The following GPD2 variants were observed in gnomAD, a reference collection of about 807,000 sequenced individuals.
GPD2 encodes the protein glycerol-3-phosphate dehydrogenase 2.
A neutral mutation model predicts 82.4 loss-of-function variants in GPD2; 54 were observed. That is an observed-to-expected ratio of 0.66 (90% CI 0.53 to 0.82). GPD2 has a LOEUF of 0.82. Among genes scored for constraint, GPD2 ranks in the 40% least tolerant of loss-of-function variants. The pLI is 0.00. For synonymous variants in GPD2, 288 were observed against 306.1 expected, an observed-to-expected ratio of 0.94 and a Z score of 0.62; for missense variants, 748 against 896.2, an observed-to-expected ratio of 0.83 and a Z score of 2.11.
At chr2:156,446,551 T>C (rs1223928051) in intron 1 of GPD2, among the ~76,000 whole-genome samples, 1 of 152,038 alleles carries the variant, frequency 6.6e-6, no homozygotes, top group Non-Finnish European at 1.5e-5. Context: ...GATAATGACT[T>C]AGCTGTCCCC....
At chr2:156,533,150 C>T (rs929390270) in intron 6 of GPD2, among the ~76,000 whole-genome samples, 1 of 152,206 alleles carries the variant, frequency 6.6e-6, no homozygotes, top group Admixed American at 6.5e-5. Context: ...TGACCACTCT[C>T]ATTGTTGTTT....
At chr2:156,546,920 C>CTGTT (rs35007922) in intron 6 of GPD2, among the ~76,000 whole-genome samples, 149,984 of 152,204 alleles carry the variant, frequency 0.99, 73,940 homozygotes, top group Middle Eastern at 1. Flanking sequence ...ATTTCAATAC[C>CTGTT]TGTTTAACAC....
intron 2 of GPD2, among the ~76,000 whole-genome samples, chr2:156,480,710 T>C (rs1047290257): frequency 2.6e-5 from 4 of 151,142 alleles, no homozygotes; most frequent in Admixed American, 6.6e-5. Context: ...AAAATTTTTT[T>C]CCCCCCTGCA....
At chr2:156,503,988 C>G (rs976453372) in intron 3 of GPD2, among the ~76,000 whole-genome samples, 1 of 152,102 alleles carries the variant, frequency 6.6e-6, no homozygotes, top group Non-Finnish European at 1.5e-5. Flanking sequence ...TTGTTACAGC[C>G]TAGTACAGTT....
chr2:156,494,420 A>C (rs983425242), intron 2 of GPD2, among the ~76,000 whole-genome samples: 1 of 152,310 alleles, frequency 6.6e-6, no homozygotes, highest in South Asian at 2.1e-4. Context: ...GTCAACAGTT[A>C]CATTGCTGGT....
intron 1 of GPD2, among the ~76,000 whole-genome samples, chr2:156,457,960 A>G (rs1682843035): frequency 1.3e-5 from 2 of 152,270 alleles, no homozygotes; most frequent in South Asian, 4.1e-4. Context: ...TCATAGTCAC[A>G]CAGCTAGTAA....
intron 1 of GPD2, among the ~76,000 whole-genome samples, chr2:156,471,822 G>A (rs1683340460): frequency 6.6e-6 from 1 of 152,106 alleles, no homozygotes; most frequent in Admixed American, 6.6e-5. Context: ...GACACACTTT[G>A]ATATTTAATC....
intron 6 of GPD2, among the ~76,000 whole-genome samples, chr2:156,514,698 G>A (rs1222683833): frequency 2.0e-5 from 3 of 152,118 alleles, no homozygotes; most frequent in Non-Finnish European, 4.4e-5. Flanking sequence ...TTAGAAAAAT[G>A]TTAAGGGTCT....
intron 6 of GPD2, among the ~76,000 whole-genome samples, chr2:156,518,862 A>T (rs754875070): frequency 1.3e-5 from 2 of 152,230 alleles, no homozygotes; most frequent in Admixed American, 1.3e-4. Context: ...TAACTGAACA[A>T]TGTGGATTTA....
intron 4 of GPD2, among the ~76,000 whole-genome samples, chr2:156,511,509 G>A (rs1457566196): frequency 6.6e-6 from 1 of 152,128 alleles, no homozygotes; most frequent in Non-Finnish European, 1.5e-5. Context: ...AGTGGCACTG[G>A]CTTGACATTG....
chr2:156,472,413 G>A (rs1411382384), intron 1 of GPD2, among the ~76,000 whole-genome samples: 3 of 152,146 alleles, frequency 2.0e-5, no homozygotes, highest in Admixed American at 1.3e-4. Context: ...CTCCGCCTCC[G>A]AGGCTCAAGG....
intron 3 of GPD2, among the ~76,000 whole-genome samples, chr2:156,509,765 C>CTTTTTTTTTTTTTTTT (rs60361072): frequency 3.4e-5 from 4 of 117,382 alleles, no homozygotes; most frequent in Non-Finnish European, 3.4e-5. Flanking sequence ...ATATGTTCTT[C>CTTTTTTTTTTTTTTTT]TTTTTTTTTT....
intron 1 of GPD2, 49 bp from the exon 2 acceptor site, chr2:156,476,049 C>A (rs182812775): frequency 2.2e-6 from 2 of 900,926 alleles, no homozygotes; most frequent in Admixed American, 3.4e-5. Context: ...GATGGTTATG[C>A]GATAACTATC....
chr2:156,504,198 T>G (rs1476116778), intron 3 of GPD2, among the ~76,000 whole-genome samples: 1 of 152,112 alleles, frequency 6.6e-6, no homozygotes, highest in Non-Finnish European at 1.5e-5. Context: ...GGCCAAAGCA[T>G]TGTATCGTGA....
intron 8 of GPD2, among the ~76,000 whole-genome samples, chr2:156,551,840 T>TA (rs1686771436): frequency 2.0e-5 from 3 of 152,174 alleles, no homozygotes; most frequent in Admixed American, 2.0e-4. Flanking sequence ...TGGAAGGAAA[T>TA]ATGTTAAATG....
Position 156,585,587 on chromosome 2 carries a change from G to T in GPD2, c.*2669G>T, listed in dbSNP as rs566850428. Reference sequence around the variant, plus strand: ...TACTGAGTGTAACTTTAGGATTTCTGCTATTAAATGCATGCTCTCTATCCT... The same window carrying T: ...TACTGAGTGTAACTTTAGGATTTCTTCTATTAAATGCATGCTCTCTATCCT... On this transcript the variant is annotated 3_prime_UTR_variant, in exon 17 of 17. Coordinates refer to ENST00000438166, the MANE Select transcript of GPD2 (RefSeq NM_000408.5). 1.3e-5 allele frequency: 2 copies of T among 152,450 alleles called. No individual in the cohort carries two copies. Among genetic ancestry groups the T allele is most frequent in the South Asian group, 4.1e-4 (2 of 4,820 alleles). The allele number at this position is 152,450 out of a possible 1,614,324, so 9.4% of individuals were successfully genotyped here.
intron 3 of GPD2, among the ~76,000 whole-genome samples, chr2:156,508,828 C>A (rs16840400): frequency 1.0e-3 from 158 of 152,218 alleles, no homozygotes; most frequent in African/African-American, 3.7e-3. Flanking sequence ...AAGAGATTTG[C>A]AGATTTAATT....
intron 6 of GPD2, among the ~76,000 whole-genome samples, chr2:156,543,436 T>G (rs926644784): frequency 9.2e-5 from 14 of 152,330 alleles, no homozygotes; most frequent in African/African-American, 3.1e-4. Context: ...GTCCCATAAG[T>G]CTGTAACTGT....
At chr2:156,576,732 C>G (rs1687835261) in intron 13 of GPD2, among the ~76,000 whole-genome samples, 4 of 152,164 alleles carry the variant, frequency 2.6e-5, no homozygotes, top group Admixed American at 1.3e-4. Flanking sequence ...TATCTTCCAG[C>G]TTTGAAATTC....
Sources: allele counts gnomAD v4.1 joint callset (sites outside exome capture counted in the v4.1 genomes callset), GRCh38; gene constraint gnomAD v4.1.1; transcripts MANE v1.5; gene names NCBI Gene and HGNC (gene_info 2026-07-23, HGNC 2026-07-21).